The following RNF24 variants were observed in gnomAD, a reference collection of about 807,000 sequenced individuals.
RNF24 encodes ring finger protein 24.
In RNF24, 14 loss-of-function variants were observed where a neutral mutation model predicts 20.0. The observed-to-expected ratio is 0.70, with a 90% CI of 0.46 to 1.10. The LOEUF (loss-of-function observed/expected upper bound fraction) is 1.10. RNF24 is among the 50% of genes least tolerant of loss of function. RNF24 has a pLI of 0.00. For missense variants in RNF24, 124 were observed against 177.6 expected (o/e 0.70, Z 1.71); for synonymous variants, 45 against 61.1 (o/e 0.74, Z 1.23).
At chr20:3,965,917 T>C (rs1012094612) in intron 1 of RNF24, among the ~76,000 whole-genome samples, 2 of 152,110 alleles carry the variant, frequency 1.3e-5, no homozygotes, top group Admixed American at 6.5e-5. Context: ...GTGGATCACC[T>C]GAGGTTAGGA....
rs372500824 is a variant in RNF24, at chr20:3,986,633, G to A, written c.-7-22609C>T. ...CCTGACATCTATATCCCAGGCATGAGTGTGCATGCAGTATAATTTTTTTTT... is the reference window on the plus strand; with the variant it reads ...CCTGACATCTATATCCCAGGCATGAATGTGCATGCAGTATAATTTTTTTTT... On this transcript the variant is annotated intron_variant, in intron 1 of 5. Coordinates refer to ENST00000358395, the MANE Select transcript of RNF24 (RefSeq NM_001134337.3). Among the ~76,000 whole-genome samples, 82 of 151,616 alleles carry A rather than the reference G, an allele frequency of 5.4e-4. 2 individuals are homozygous for A. In the South Asian group the frequency reaches 0.017, roughly 31 times the overall value.
At chr20:3,941,157 T>C (rs1371020447) in intron 4 of RNF24, among the ~76,000 whole-genome samples, 2 of 152,110 alleles carry the variant, frequency 1.3e-5, no homozygotes, top group East Asian at 3.9e-4. Flanking sequence ...GGCTCCTGAG[T>C]AGCTGGGACT....
chr20:3,931,877 C>T lies in RNF24; in HGVS notation c.*2186G>A, dbSNP rs760026484. On this transcript the variant is annotated 3_prime_UTR_variant, in exon 6 of 6. Transcript: ENST00000358395. ...CTGGTCCAGTGCTACGTATCAACCC[C>T]CTCAACATGCCTGTGGCTCTGACAC... is the stretch of plus-strand genomic sequence containing the variant. 1 of 152,202 alleles carries T rather than the reference C, an allele frequency of 6.6e-6. No homozygotes were observed. The highest frequency in any genetic ancestry group is 2.4e-5 in the African/African-American group (1 of 41,444). 9.4% of individuals were successfully genotyped at this position (152,202 alleles called of 1,614,324 possible). A position where few individuals can be genotyped will look rare whatever the true frequency, so the allele number is the denominator to read the frequency against.
chr20:3,989,931 AACATAACCT>A (rs201046213), intron 1 of RNF24, among the ~76,000 whole-genome samples: 4,833 of 152,298 alleles, frequency 0.032, 252 homozygotes, highest in African/African-American at 0.11. Context: ...TTGTTACCAC[AACATAACCT>A]AGCCTACGCT....
At chr20:3,945,075 C>A in intron 4 of RNF24, 102 bp downstream of exon 4, 2 of 1,438,358 alleles carry the variant, frequency 1.4e-6, no homozygotes, top group Non-Finnish European at 1.9e-6. Flanking sequence ...TCAAAATAAG[C>A]CTATTTTTTT....
At chr20:3,957,292 T>C (rs949903662) in intron 2 of RNF24, among the ~76,000 whole-genome samples, 2 of 151,438 alleles carry the variant, frequency 1.3e-5, no homozygotes, top group East Asian at 3.9e-4. Context: ...AGCAAGACTG[T>C]CTCAAAAAAA....
chr20:3,961,565 T>A (rs1301405191), intron 2 of RNF24, among the ~76,000 whole-genome samples: 2 of 152,148 alleles, frequency 1.3e-5, no homozygotes, highest in African/African-American at 4.8e-5. Flanking sequence ...GGTACATTAG[T>A]GGGTTTTTGT....
intron 1 of RNF24, among the ~76,000 whole-genome samples, chr20:3,973,546 T>C (rs1000885988): frequency 9.0e-5 from 12 of 133,602 alleles, no homozygotes; most frequent in African/African-American, 2.8e-4. Flanking sequence ...AAATTACCTA[T>C]ATCAACAATT....
intron 1 of RNF24, among the ~76,000 whole-genome samples, chr20:3,970,130 G>A (rs896362072): frequency 2.6e-5 from 4 of 152,072 alleles, no homozygotes; most frequent in Non-Finnish European, 5.9e-5. Flanking sequence ...GGAGGATCTC[G>A]TGAAGAATCG....
At chr20:3,936,819 G>A (rs563524279) in intron 4 of RNF24, among the ~76,000 whole-genome samples, 1 of 152,270 alleles carries the variant, frequency 6.6e-6, no homozygotes, top group Non-Finnish European at 1.5e-5. Context: ...AATTAGATTA[G>A]TAGCCTTTCC....
intron 1 of RNF24, among the ~76,000 whole-genome samples, chr20:3,985,704 T>C (rs1464231005): frequency 6.6e-6 from 1 of 151,158 alleles, no homozygotes; most frequent in Non-Finnish European, 1.5e-5. Context: ...TAGTAATTTT[T>C]TTTTTTTTTT....
intron 1 of RNF24, among the ~76,000 whole-genome samples, chr20:3,970,798 C>A (rs951026012): frequency 2.0e-5 from 3 of 152,178 alleles, no homozygotes; most frequent in Admixed American, 1.3e-4. Flanking sequence ...GTAATCCCAG[C>A]ACTTTGGGAG....
intron 1 of RNF24, among the ~76,000 whole-genome samples, chr20:4,014,784 G>T (rs1014389395): frequency 2.1e-5 from 3 of 140,818 alleles, no homozygotes; most frequent in African/African-American, 8.0e-5. Flanking sequence ...CACATCATTA[G>T]GTCTCCAGAA....
chr20:4,015,229 T>G (rs2122188365), intron 1 of RNF24: 1 of 152,198 alleles, frequency 6.6e-6, no homozygotes, highest in South Asian at 2.1e-4. Context: ...CGCCGGACCC[T>G]CCTCCGCGTC....
intron 2 of RNF24, among the ~76,000 whole-genome samples, chr20:3,955,906 T>C (rs1600651858): frequency 1.3e-5 from 2 of 152,208 alleles, no homozygotes; most frequent in Non-Finnish European, 2.9e-5. Context: ...AATGGGATTG[T>C]TTCCTTTATT....
Position 3,927,945 on chromosome 20 carries a change from A to G in RNF24, c.*6118T>C, listed in dbSNP as rs1489886717. On this transcript the variant is annotated 3_prime_UTR_variant, in exon 6 of 6. Transcript: ENST00000358395. The stretch of plus-strand genomic sequence containing the variant: ...GTGGAGTACATCTTTGCATCTTGTA[A>G]CAATTTGGGCTCTACAGCTGAATTG... 1 of 152,218 alleles carries G rather than the reference A, an allele frequency of 6.6e-6. No homozygotes were observed. The highest frequency in any genetic ancestry group is 1.9e-4 in the East Asian group (1 of 5,200). The allele number at this position is 152,218 out of a possible 1,614,324, so 9.4% of individuals were successfully genotyped here. A position where few individuals can be genotyped will look rare whatever the true frequency, so the allele number is the denominator to read the frequency against.
intron 2 of RNF24, among the ~76,000 whole-genome samples, chr20:3,960,444 C>T (rs909748768): frequency 1.3e-5 from 2 of 152,018 alleles, no homozygotes; most frequent in Non-Finnish European, 2.9e-5. Context: ...CTGAGGCAGG[C>T]GGATCACAAG....
intron 1 of RNF24, among the ~76,000 whole-genome samples, chr20:4,014,190 G>A (rs1982688341): frequency 6.6e-6 from 1 of 152,206 alleles, no homozygotes; most frequent in Non-Finnish European, 1.5e-5. Flanking sequence ...ACAGAACACA[G>A]GAAAATTCAC....
At chr20:3,992,147 G>T (rs1429456625) in intron 1 of RNF24, among the ~76,000 whole-genome samples, 1 of 152,134 alleles carries the variant, frequency 6.6e-6, no homozygotes. Flanking sequence ...ATAACAGTTG[G>T]CTTTTTAAAG....
Sources: gnomAD v4.1 joint callset for allele counts (sites outside exome capture counted in the v4.1 genomes callset) on GRCh38, gnomAD v4.1.1 for gene constraint, MANE v1.5 for transcripts, NCBI Gene and HGNC (gene_info 2026-07-23, HGNC 2026-07-21) for gene names.